The following PTPRD variants were observed in gnomAD, a reference collection of about 807,000 sequenced individuals.
PTPRD encodes receptor-type tyrosine-protein phosphatase delta.
In PTPRD, 34 loss-of-function variants were observed where a neutral mutation model predicts 214.5. That is an observed-to-expected ratio of 0.16 (90% CI 0.12 to 0.21). The LOEUF (loss-of-function observed/expected upper bound fraction) is 0.21, where lower values mean the gene tolerates loss of function less well. PTPRD is among the 10% of genes least tolerant of loss of function. The probability of loss-of-function intolerance (pLI) is 1.00; values close to 1 mark genes in which losing one functional copy is unlikely to be tolerated. For synonymous variants in PTPRD, 1,128 were observed against 845.7 expected (o/e 1.33, Z -5.79); for missense variants, 2,545 against 2,398.7 (o/e 1.06, Z -1.27).
At chr9:10,115,765 A>C (rs1305148288) in intron 3 of PTPRD, among the ~76,000 whole-genome samples, 1 of 152,138 alleles carries the variant, frequency 6.6e-6, no homozygotes, top group African/African-American at 2.4e-5. Context: ...GTGATATAAC[A>C]GAGTTATTGA....
At position 9,391,597 on chromosome 9, in the gene PTPRD, T is replaced by C. The variant is rs569027758; in HGVS notation, c.-203+5852A>G. On this transcript the variant is annotated intron_variant, in intron 9 of 45. Transcript: ENST00000381196. ...ATACACAAAATCTGAATTCTGTACA[T>C]GTGAGTCCTCATTTGTATATGCACC... is the stretch of plus-strand genomic sequence containing the variant. Among the ~76,000 whole-genome samples, 166 of 152,296 alleles carry C rather than the reference T, an allele frequency of 1.1e-3. 3 individuals carry two copies. In the South Asian group the frequency reaches 0.033, roughly 30 times the overall value.
At chr9:10,395,013 C>T (rs543487311) in intron 2 of PTPRD, among the ~76,000 whole-genome samples, 28 of 146,518 alleles carry the variant, frequency 1.9e-4, no homozygotes, top group African/African-American at 7.1e-4. Flanking sequence ...GCTGCCTGCA[C>T]TTTATCAATA....
chr9:9,094,979 T>C (rs191486866), intron 10 of PTPRD, among the ~76,000 whole-genome samples: 127 of 152,312 alleles, frequency 8.3e-4, no homozygotes, highest in African/African-American at 2.9e-3. Context: ...TAATACTTCA[T>C]GACCAAATGG....
intron 9 of PTPRD, among the ~76,000 whole-genome samples, chr9:9,247,985 C>G (rs1388367879): frequency 2.0e-5 from 3 of 152,010 alleles, no homozygotes; most frequent in Non-Finnish European, 4.4e-5. Context: ...AGGGTGGAAT[C>G]TGTGTTCATG....
At chr9:9,217,291 T>A (rs1393852728) in intron 9 of PTPRD, among the ~76,000 whole-genome samples, 1 of 152,142 alleles carries the variant, frequency 6.6e-6, no homozygotes, top group Non-Finnish European at 1.5e-5. Context: ...ATTAAATGAG[T>A]ATTTGTAGGG....
intron 2 of PTPRD, among the ~76,000 whole-genome samples, chr9:10,588,087 G>C (rs187427462): frequency 1.6e-4 from 24 of 152,150 alleles, no homozygotes; most frequent in Admixed American, 1.6e-3. Context: ...GTTTTAGAAA[G>C]GGAATAAGAT....
At chr9:8,927,753 T>C (rs2098912905) in intron 11 of PTPRD, among the ~76,000 whole-genome samples, 1 of 152,180 alleles carries the variant, frequency 6.6e-6, no homozygotes, top group Admixed American at 6.5e-5. Context: ...AAATGGTATT[T>C]CTGTTTCTAG....
At chr9:9,720,806 G>C (rs1309822616) in intron 7 of PTPRD, among the ~76,000 whole-genome samples, 2 of 118,564 alleles carry the variant, frequency 1.7e-5, no homozygotes, top group East Asian at 3.9e-4. Flanking sequence ...GGAATACTAT[G>C]CAACCAAAAA....
intron 2 of PTPRD, among the ~76,000 whole-genome samples, chr9:10,600,906 C>T (rs572945482): frequency 6.9e-4 from 105 of 151,778 alleles, no homozygotes; most frequent in Non-Finnish European, 1.2e-4. Context: ...ACAGCCTCTC[C>T]AACAGAGAAA....
At chr9:8,690,032 C>T (rs2097770226) in intron 12 of PTPRD, among the ~76,000 whole-genome samples, 1 of 149,522 alleles carries the variant, frequency 6.7e-6, no homozygotes, top group Admixed American at 6.7e-5. Flanking sequence ...TGCTTAAGCC[C>T]AGGAGGGGGA....
At chr9:9,947,606 TTTTA>T (rs1566625850) in intron 4 of PTPRD, among the ~76,000 whole-genome samples, 2 of 57,402 alleles carry the variant, frequency 3.5e-5, no homozygotes, top group South Asian at 4.5e-4. Flanking sequence ...AATATATATA[TTTTA>T]TATATATATA....
In PTPRD at chr9:8,316,275, G is replaced by A. The variant is rs538088218; in HGVS notation, c.*1599C>T. ...TGCTTTAATAGAAAGTAACAGATAC[G>A]AACAGTGAATGGAAATACGAACCAA... On this transcript the variant is annotated 3_prime_UTR_variant, in exon 46 of 46. Transcript: ENST00000381196. 3.5e-5 allele frequency: 8 copies of A among 230,230 alleles called. No individual in the cohort carries two copies. Among genetic ancestry groups the A allele is most frequent in the East Asian group, 6.2e-5 (1 of 16,178 alleles). 14.3% of individuals were successfully genotyped at this position (230,230 alleles called of 1,614,324 possible). A position where few individuals can be genotyped will look rare whatever the true frequency, so the allele number is the denominator to read the frequency against.
intron 10 of PTPRD, among the ~76,000 whole-genome samples, chr9:9,098,170 C>A (rs2099786363): frequency 6.6e-6 from 1 of 152,042 alleles, no homozygotes; most frequent in Admixed American, 6.6e-5. Context: ...GATTCTTGCT[C>A]CAAAAATTGC....
At chr9:10,451,447 T>G (rs2098841055) in intron 2 of PTPRD, among the ~76,000 whole-genome samples, 1 of 151,808 alleles carries the variant, frequency 6.6e-6, no homozygotes, top group African/African-American at 2.4e-5. Context: ...AGTTGAGTAT[T>G]GTGGATGAGA....
intron 5 of PTPRD, among the ~76,000 whole-genome samples, chr9:9,830,799 AC>A (rs1178542986): frequency 6.6e-6 from 1 of 151,824 alleles, no homozygotes; most frequent in African/African-American, 2.4e-5. Flanking sequence ...CTTAGCTGTG[AC>A]CCCATTACAA....
At chr9:8,984,466 A>G (rs556886039) in intron 11 of PTPRD, among the ~76,000 whole-genome samples, 123 of 152,234 alleles carry the variant, frequency 8.1e-4, no homozygotes, top group African/African-American at 2.7e-3. Context: ...CTTAACACAA[A>G]ATTATAAAGC....
At chr9:9,336,310 C>T (rs1277818675) in intron 9 of PTPRD, among the ~76,000 whole-genome samples, 1 of 152,134 alleles carries the variant, frequency 6.6e-6, no homozygotes, top group African/African-American at 2.4e-5. Context: ...TACACATTCT[C>T]AAGGCAGAAT....
chr9:8,940,446 C>CTTTTTTTTTTTT (rs34288443), intron 11 of PTPRD, among the ~76,000 whole-genome samples: 23 of 95,030 alleles, frequency 2.4e-4, no homozygotes, highest in South Asian at 1.1e-3. Flanking sequence ...CCACTCCCAG[C>CTTTTTTTTTTTT]TTTTTTTTTT....
intron 8 of PTPRD, among the ~76,000 whole-genome samples, chr9:9,563,098 T>C (rs1264656815): frequency 1.3e-5 from 2 of 152,192 alleles, no homozygotes; most frequent in Admixed American, 1.3e-4. Context: ...ACCCACTTTA[T>C]TATAAGAAAT....
Sources: allele counts gnomAD v4.1 joint callset (sites outside exome capture counted in the v4.1 genomes callset), GRCh38; gene constraint gnomAD v4.1.1; transcripts MANE v1.5; gene names NCBI Gene and HGNC (gene_info 2026-07-23, HGNC 2026-07-21).